LAMA1: variants seen among roughly 807,000 people sequenced by gnomAD.
LAMA1 encodes laminin subunit alpha 1, also known as laminin subunit alpha-1.
LAMA1 carries 219 observed loss-of-function variants against 348.7 expected under a neutral mutation model. The ratio of observed to expected loss-of-function variants is 0.63; its 90% CI spans 0.56 to 0.70. The LOEUF (loss-of-function observed/expected upper bound fraction) is 0.70. Among genes scored for constraint, LAMA1 ranks in the 30% least tolerant of loss-of-function variants. The pLI is 0.00. For missense variants in LAMA1, 3,744 were observed against 3,888.0 expected (o/e 0.96, Z 0.99); for synonymous variants, 1,487 against 1,491.0 (o/e 1.00, Z 0.06).
intron 1 of LAMA1, among the ~76,000 whole-genome samples, chr18:7,099,342 G>C (rs1256548387): frequency 1.3e-5 from 2 of 151,546 alleles, no homozygotes; most frequent in African/African-American, 4.9e-5. Context: ...GAAGGCCGCA[G>C]GGTCCTCTGC....
At chr18:7,018,689 C>T (rs1054041931) in intron 19 of LAMA1, among the ~76,000 whole-genome samples, 6 of 152,232 alleles carry the variant, frequency 3.9e-5, no homozygotes, top group East Asian at 3.9e-4. Context: ...GCCACCGCGC[C>T]GGGCCCCCAG....
At chr18:7,034,771 G>A in intron 13 of LAMA1, 81 bp from the exon 14 acceptor site, 2 of 1,371,476 alleles carry the variant, frequency 1.5e-6, no homozygotes, top group African/African-American at 1.4e-5. Flanking sequence ...TTTGTATTCA[G>A]CAACGTGGTT....
At chr18:7,108,046 G>GA (rs1231506412) in intron 1 of LAMA1, among the ~76,000 whole-genome samples, 1 of 141,912 alleles carries the variant, frequency 7.0e-6, no homozygotes, top group Non-Finnish European at 1.5e-5. Flanking sequence ...AAAAAGAAAA[G>GA]AAAAAATGCT....
intron 1 of LAMA1, among the ~76,000 whole-genome samples, chr18:7,103,828 A>G (rs1220801067): frequency 6.6e-6 from 1 of 150,850 alleles, no homozygotes; most frequent in Non-Finnish European, 1.5e-5. Flanking sequence ...TAAAAAAAAA[A>G]AAATCCTGCC....
intron 61 of LAMA1, 58 bp downstream of exon 61, chr18:6,947,105 A>T: frequency 6.2e-7 from 1 of 1,608,716 alleles, no homozygotes; most frequent in Non-Finnish European, 8.5e-7. Context: ...GCTGTTTCTC[A>T]ATTGCTCTGT....
At chr18:7,015,426 C>G (rs1395043481) in intron 22 of LAMA1, among the ~76,000 whole-genome samples, 1 of 151,752 alleles carries the variant, frequency 6.6e-6, no homozygotes, top group Non-Finnish European at 1.5e-5. Flanking sequence ...TGTGCCACCA[C>G]ACCAGGCTAA....
chr18:6,977,929 G>T, intron 43 of LAMA1, 48 bp from the exon 44 acceptor site: 1 of 1,586,624 alleles, frequency 6.3e-7, no homozygotes, highest in Non-Finnish European at 8.6e-7. Flanking sequence ...TGGGGAGAGG[G>T]AAAAACAAGA....
chr18:7,011,938 C>A lies in LAMA1; in HGVS notation c.3507+57G>T, dbSNP rs74407982. Reference sequence around the variant, plus strand: ...CACTTGGCTGTGTTTCCCACCCCCACCCACCTCCCAGGGGAGTGGGGTTAG... The same window carrying A: ...CACTTGGCTGTGTTTCCCACCCCCAACCACCTCCCAGGGGAGTGGGGTTAG... On this transcript the variant is annotated intron_variant, in intron 24 of 62. Coordinates refer to ENST00000389658, the MANE Select transcript of LAMA1 (RefSeq NM_005559.4). 2.5e-3 allele frequency: 3,816 copies of A among 1,548,588 alleles called. 45 individuals carry two copies. In the East Asian group the frequency reaches 0.044, roughly 18 times the overall value.
chr18:7,100,355 G>A (rs975919831), intron 1 of LAMA1, among the ~76,000 whole-genome samples: 7 of 152,102 alleles, frequency 4.6e-5, no homozygotes, highest in Non-Finnish European at 8.8e-5. Flanking sequence ...AATGCATAGT[G>A]TTGGTAAGAA....
intron 3 of LAMA1, among the ~76,000 whole-genome samples, chr18:7,059,387 C>T (rs2058094368): frequency 1.3e-5 from 2 of 152,084 alleles, no homozygotes; most frequent in Admixed American, 6.6e-5. Flanking sequence ...TTTTTAAATC[C>T]ACTTTCATCA....
At chr18:6,982,115 G>T (rs903513959) in intron 41 of LAMA1, among the ~76,000 whole-genome samples, 3 of 152,114 alleles carry the variant, frequency 2.0e-5, no homozygotes, top group African/African-American at 7.2e-5. Flanking sequence ...AAAGGTAAAA[G>T]AAATATCAAG....
At chr18:7,012,256 A>T in intron 23 of LAMA1, 118 bp from the exon 24 acceptor site, 2 of 1,125,736 alleles carry the variant, frequency 1.8e-6, no homozygotes, top group East Asian at 5.1e-5. Flanking sequence ...ATGCACAAAC[A>T]TTAGTTTCCT....
chr18:7,056,766 C>T (rs2058083754), intron 3 of LAMA1, among the ~76,000 whole-genome samples: 1 of 152,128 alleles, frequency 6.6e-6, no homozygotes, highest in South Asian at 2.1e-4. Flanking sequence ...TGGGGGAACA[C>T]GATGGAGAGT....
Position 7,023,166 on chromosome 18 carries a change from C to T in LAMA1, c.2699G>A (p.Arg900His), listed in dbSNP as rs945345901. ...YGDAVTAKNCRACECHVKGSH... is the reference protein window; with the variant it reads ...YGDAVTAKNCHACECHVKGSH... Reference sequence around the variant, plus strand: ...TGACTTCACGCTCACGCACTCACCGCGGCAGTTCTTGGCTGTCACAGCGTC... The same window carrying T: ...TGACTTCACGCTCACGCACTCACCGTGGCAGTTCTTGGCTGTCACAGCGTC... Residue 900 changes from arginine (R) to histidine (H), a missense_variant and splice_region_variant, in exon 19 of 63, where the codon CGC becomes CAC. Around this residue, in one of 3 missense-constraint regions of LAMA1, gnomAD observed 1,529 missense variants for 1,689.4 expected, o/e 0.91. Transcript: ENST00000389658. The T allele has an allele frequency of 3.0e-5, 49 of 1,611,894 alleles. No homozygotes were observed. Among genetic ancestry groups the T allele is most frequent in the Non-Finnish European group, 3.8e-5 (45 of 1,179,648 alleles).
intron 1 of LAMA1, among the ~76,000 whole-genome samples, chr18:7,085,699 T>A (rs896283415): frequency 2.0e-5 from 3 of 152,164 alleles, no homozygotes; most frequent in Non-Finnish European, 2.9e-5. Flanking sequence ...ATTACAGGCG[T>A]GAGCCACCGC....
intron 16 of LAMA1, among the ~76,000 whole-genome samples, chr18:7,027,088 T>C (rs2057947375): frequency 6.6e-6 from 1 of 150,388 alleles, no homozygotes; most frequent in African/African-American, 2.5e-5. Context: ...GACACAACAA[T>C]AAAATTCAAC....
chr18:6,991,770 A>G (rs1424024600), intron 36 of LAMA1, among the ~76,000 whole-genome samples: 2 of 152,234 alleles, frequency 1.3e-5, no homozygotes, highest in Admixed American at 6.5e-5. Flanking sequence ...ATAAATAAAT[A>G]TTTGATATTT....
chr18:7,100,976 C>T (rs2058289094), intron 1 of LAMA1, among the ~76,000 whole-genome samples: 1 of 152,102 alleles, frequency 6.6e-6, no homozygotes, highest in South Asian at 2.1e-4. Flanking sequence ...CACCACTGCA[C>T]TCCAGCCTGG....
At chr18:7,092,557 G>A (rs1054887249) in intron 1 of LAMA1, among the ~76,000 whole-genome samples, 1 of 151,350 alleles carries the variant, frequency 6.6e-6, no homozygotes, top group African/African-American at 2.4e-5. Flanking sequence ...CCCAGGAGGT[G>A]GAGGCTGCAG....
Sources: gnomAD v4.1 joint callset for allele counts (sites outside exome capture counted in the v4.1 genomes callset) on GRCh38, gnomAD v4.1.1 for gene constraint, gnomAD v4.1.1 regional missense constraint, MANE v1.5 for transcripts, NCBI Gene and HGNC (gene_info 2026-07-23, HGNC 2026-07-21) for gene names.